MGST1: variants seen among roughly 807,000 people sequenced by gnomAD.
MGST1 encodes the protein microsomal glutathione S-transferase 1, also known as glutathione S-transferase 12.
Under a neutral mutation model 8.9 loss-of-function variants are expected in MGST1, and 5 were observed. The observed-to-expected ratio is 0.56, with a 90% CI of 0.29 to 1.19. The LOEUF (loss-of-function observed/expected upper bound fraction) is 1.19. Among genes scored for constraint, MGST1 ranks in the 50% most tolerant of loss-of-function variants. The probability of loss-of-function intolerance (pLI) is 0.08; values close to 1 mark genes in which losing one functional copy is unlikely to be tolerated. For missense variants in MGST1, 182 were observed against 187.4 expected (o/e 0.97, Z 0.17); for synonymous variants, 54 against 67.8 (o/e 0.80, Z 1.00).
At chr12:16,436,566 AC>A (rs1345987192) in intron 1 of MGST1, among the ~76,000 whole-genome samples, 2 of 152,018 alleles carry the variant, frequency 1.3e-5, no homozygotes, top group African/African-American at 2.4e-5. Context: ...AGAAAAAAAA[AC>A]AGTAAAAGGA....
intron 2 of MGST1, among the ~76,000 whole-genome samples, chr12:16,357,131 T>G (rs1044190986): frequency 6.6e-6 from 1 of 152,260 alleles, no homozygotes; most frequent in Non-Finnish European, 1.5e-5. Context: ...CAGTTTTAAC[T>G]ATAGATGCCT....
chr12:16,575,313 C>T (rs1040421722), intron 4 of MGST1, among the ~76,000 whole-genome samples: 12 of 152,172 alleles, frequency 7.9e-5, no homozygotes, highest in African/African-American at 2.7e-4. Context: ...ATACTGTCTA[C>T]GAAGCCTTTT....
intron 3 of MGST1, chr12:16,360,304 T>C (rs1939931348): frequency 1.0e-6 from 1 of 982,928 alleles, no homozygotes; most frequent in Middle Eastern, 5.2e-4. Context: ...CTTCAGTCAT[T>C]GTAAAGCTGT....
chr12:16,473,013 C>G (rs780447517), intron 4 of MGST1, among the ~76,000 whole-genome samples: 5 of 152,202 alleles, frequency 3.3e-5, no homozygotes, highest in Non-Finnish European at 7.3e-5. Context: ...CAGCTAAGAT[C>G]AATCCCTACC....
At chr12:16,348,054 A>G (rs1939280375) in intron 1 of MGST1, among the ~76,000 whole-genome samples, 1 of 151,474 alleles carries the variant, frequency 6.6e-6, no homozygotes, top group Non-Finnish European at 1.5e-5. Context: ...CACGTGTAGT[A>G]ATGGAGGAAA....
intron 1 of MGST1, among the ~76,000 whole-genome samples, chr12:16,424,087 G>A (rs1940864754): frequency 6.6e-6 from 1 of 152,188 alleles, no homozygotes; most frequent in Admixed American, 6.5e-5. Flanking sequence ...GTGAGCCAGT[G>A]GAGAGCTAGA....
chr12:16,535,005 T>C (rs1941746351), intron 4 of MGST1, among the ~76,000 whole-genome samples: 1 of 152,112 alleles, frequency 6.6e-6, no homozygotes, highest in South Asian at 2.1e-4. Context: ...ACTTTGAAAA[T>C]CCAGATCCCA....
intron 1 of MGST1, among the ~76,000 whole-genome samples, chr12:16,417,587 C>A (rs1411245627): frequency 6.6e-6 from 1 of 152,074 alleles, no homozygotes; most frequent in Non-Finnish European, 1.5e-5. Flanking sequence ...TGAAAGAATC[C>A]AAGTGTTATG....
chr12:16,399,295 G>C (rs1029572580), intron 1 of MGST1: 1 of 1,605,042 alleles, frequency 6.2e-7, no homozygotes, highest in Non-Finnish European at 8.5e-7. Context: ...TTTTTCTTGG[G>C]GGGTGCAGAG....
At chr12:16,408,458 T>C (rs1940714752) in intron 1 of MGST1, among the ~76,000 whole-genome samples, 1 of 152,210 alleles carries the variant, frequency 6.6e-6, no homozygotes, top group Admixed American at 6.5e-5. Flanking sequence ...AGTGGTTTTC[T>C]CTCAGCACAT....
intron 4 of MGST1, among the ~76,000 whole-genome samples, chr12:16,570,916 G>T (rs1942792027): frequency 6.6e-6 from 1 of 152,068 alleles, no homozygotes; most frequent in South Asian, 2.1e-4. Flanking sequence ...TCAAGAAAAA[G>T]TGCTGTGTAG....
intron 1 of MGST1, chr12:16,399,348 C>T (rs766917566): frequency 5.7e-6 from 9 of 1,565,910 alleles, no homozygotes; most frequent in Middle Eastern, 2.2e-4. Context: ...AGAGCCATGG[C>T]CCAAACTGTG....
At chr12:16,357,049 T>C (rs1040897925) in intron 2 of MGST1, among the ~76,000 whole-genome samples, 20 of 152,346 alleles carry the variant, frequency 1.3e-4, no homozygotes, top group Non-Finnish European at 1.6e-4. Context: ...TTCACTATTT[T>C]TATTCACTGG....
At chr12:16,558,341 A>G (rs1942268465) in intron 4 of MGST1, among the ~76,000 whole-genome samples, 1 of 152,036 alleles carries the variant, frequency 6.6e-6, no homozygotes, top group Admixed American at 6.5e-5. Flanking sequence ...TGAATATGTA[A>G]TCTTTTATAA....
At chr12:16,526,577 A>G (rs1002780021) in intron 4 of MGST1, among the ~76,000 whole-genome samples, 2 of 152,046 alleles carry the variant, frequency 1.3e-5, no homozygotes, top group South Asian at 2.1e-4. Context: ...GATACTAAGC[A>G]TATTTTTGTT....
At chr12:16,529,394 A>G (rs11056986) in intron 4 of MGST1, among the ~76,000 whole-genome samples, 3 of 152,048 alleles carry the variant, frequency 2.0e-5, no homozygotes, top group Non-Finnish European at 4.4e-5. Flanking sequence ...ACACGTCAAG[A>G]TTTAGTGAAA....
chr12:16,455,943 A>G (rs1221656214), intron 4 of MGST1, among the ~76,000 whole-genome samples: 2 of 151,888 alleles, frequency 1.3e-5, no homozygotes, highest in Non-Finnish European at 2.9e-5. Flanking sequence ...ACGTGTGTGT[A>G]TAGGAAGAGT....
In MGST1 at chr12:16,464,676, A is replaced by G. The variant is rs543339602; in HGVS notation, n.482+81072A>G. On this transcript the variant is annotated intron_variant and non_coding_transcript_variant, in intron 4 of 4. Transcript: ENST00000538857. ...AACATCACAATTTCAGTGCCTTAAC[A>G]TAATAGTCATGTTTCCTCTTCAAGT... is the stretch of plus-strand genomic sequence containing the variant. Among the ~76,000 whole-genome samples the G allele has an allele frequency of 5.9e-5, 9 of 152,348 alleles. No homozygotes were observed. The East Asian group carries it at 1.2e-3, about 20-fold the overall frequency.
rs114052425 is a variant in MGST1 at position 16,540,181 on chromosome 12, G to A, written n.483-49347G>A. Reference sequence around the variant, plus strand: ...TGCCCTTGCTTTCCCCACAGATTGTGAGCTACTTGATCTTGGAGCCTTGAT... The same window carrying A: ...TGCCCTTGCTTTCCCCACAGATTGTAAGCTACTTGATCTTGGAGCCTTGAT... On this transcript the variant is annotated intron_variant and non_coding_transcript_variant, in intron 4 of 4. Transcript: ENST00000538857. 1.1e-3 allele frequency among the ~76,000 whole-genome samples: 173 copies of A among 152,276 alleles called. 1 individual carries two copies. Among genetic ancestry groups the A allele is most frequent in the African/African-American group, 4.0e-3 (165 of 41,552 alleles).
Sources: allele counts gnomAD v4.1 joint callset (sites outside exome capture counted in the v4.1 genomes callset), GRCh38; gene constraint gnomAD v4.1.1; transcripts MANE v1.5; gene names NCBI Gene and HGNC (gene_info 2026-07-23, HGNC 2026-07-21).